The following SERPINB7 variants were observed in gnomAD, a reference collection of about 807,000 sequenced individuals.
SERPINB7 encodes the protein serpin family B member 7.
Under a neutral mutation model 37.4 loss-of-function variants are expected in SERPINB7, and 31 were observed. The observed-to-expected ratio is 0.83, with a 90% CI of 0.62 to 1.12. The LOEUF (loss-of-function observed/expected upper bound fraction) is 1.12, where lower values mean the gene tolerates loss of function less well. Among genes scored for constraint, SERPINB7 ranks in the 50% most tolerant of loss-of-function variants. SERPINB7 has a pLI of 0.00. For synonymous variants in SERPINB7, 163 were observed against 166.1 expected, an observed-to-expected ratio of 0.98 and a Z score of 0.14; for missense variants, 521 against 455.3, an observed-to-expected ratio of 1.14 and a Z score of -1.31.
intron 1 of SERPINB7, among the ~76,000 whole-genome samples, chr18:63,779,482 T>A (rs1461757605): frequency 2.0e-5 from 3 of 152,176 alleles, no homozygotes; most frequent in African/African-American, 7.2e-5. Flanking sequence ...AAATGGAACA[T>A]ACTTTTTGGT....
intron 1 of SERPINB7, among the ~76,000 whole-genome samples, chr18:63,755,060 C>T (rs1001565063): frequency 9.9e-5 from 15 of 151,866 alleles, no homozygotes; most frequent in Non-Finnish European, 1.5e-4. Context: ...CCACCGCGCC[C>T]GGCTAATTTT....
rs758594172 is a variant in SERPINB7, at chr18:63,782,414, C to T, written c.42C>T (p.Asn14=). 1 of 1,614,004 alleles carries T rather than the reference C, an allele frequency of 6.2e-7. No homozygotes were observed. Among genetic ancestry groups the T allele is most frequent in the African/African-American group, 1.3e-5 (1 of 75,050 alleles). The change falls in exon 2 of 8, where the codon AAC becomes AAT. Residue 14 remains asparagine, a synonymous_variant. Coordinates refer to ENST00000398019, the MANE Select transcript of SERPINB7 (RefSeq NM_003784.4). ...LAAANAEFCF[N]LFREMDDNQG... is the part of the protein sequence containing the mutation. ...CAGCAAATGCAGAGTTTTGCTTCAA[C>T]CTGTTCAGAGAGATGGATGACAATC...
At chr18:63,796,528 G>A in intron 5 of SERPINB7, 145 bp downstream of exon 5, 1 of 539,164 alleles carries the variant, frequency 1.9e-6, no homozygotes. Context: ...AATTGCTTTA[G>A]TATTTGTCTG....
chr18:63,801,586 G>A (rs576716212), intron 7 of SERPINB7, among the ~76,000 whole-genome samples: 3 of 152,254 alleles, frequency 2.0e-5, no homozygotes, highest in South Asian at 2.1e-4. Context: ...AGGTTTGGAG[G>A]TTAGGAGTTT....
chr18:63,767,842 G>A (rs1427366585), intron 1 of SERPINB7, among the ~76,000 whole-genome samples: 1 of 152,048 alleles, frequency 6.6e-6, no homozygotes, highest in Non-Finnish European at 1.5e-5. Flanking sequence ...ATTTAATTTT[G>A]ATAGGTATAG....
At chr18:63,795,974 T>C (rs1019518928) in intron 4 of SERPINB7, among the ~76,000 whole-genome samples, 1 of 152,216 alleles carries the variant, frequency 6.6e-6, no homozygotes, top group African/African-American at 2.4e-5. Context: ...AGTTATTTAA[T>C]ATGAGAACGC....
chr18:63,760,944 G>C (rs545390291), intron 1 of SERPINB7, among the ~76,000 whole-genome samples: 1 of 152,362 alleles, frequency 6.6e-6, no homozygotes, highest in Non-Finnish European at 1.5e-5. Flanking sequence ...GGAAATGTGG[G>C]GTTGAAGCCC....
intron 2 of SERPINB7, among the ~76,000 whole-genome samples, chr18:63,786,253 C>A (rs2049371843): frequency 6.9e-6 from 1 of 144,658 alleles, no homozygotes; most frequent in Admixed American, 7.0e-5. Flanking sequence ...CACATCCACA[C>A]ATTTCCTTTG....
chr18:63,803,213 G>T (rs1044647762), intron 7 of SERPINB7, among the ~76,000 whole-genome samples: 1 of 151,544 alleles, frequency 6.6e-6, no homozygotes, highest in Non-Finnish European at 1.5e-5. Flanking sequence ...ACCAGATAAC[G>T]ATGAGGAAGT....
intron 1 of SERPINB7, among the ~76,000 whole-genome samples, chr18:63,776,445 G>A (rs934556804): frequency 4.0e-5 from 6 of 151,632 alleles, no homozygotes; most frequent in African/African-American, 1.2e-4. Context: ...GTATTCTTTC[G>A]TGCCTGATTT....
intron 2 of SERPINB7, among the ~76,000 whole-genome samples, chr18:63,788,574 A>C (rs540320502): frequency 2.5e-4 from 38 of 152,352 alleles, no homozygotes; most frequent in Admixed American, 6.5e-5. Context: ...AATGTAGTGT[A>C]GCCTAAGTGT....
chr18:63,769,012 T>A (rs1045760002), intron 1 of SERPINB7, among the ~76,000 whole-genome samples: 1 of 152,178 alleles, frequency 6.6e-6, no homozygotes, highest in Admixed American at 6.5e-5. Flanking sequence ...GAATATTTGG[T>A]TTGTTTAAAG....
At chr18:63,797,274 C>T (rs902666297) in intron 5 of SERPINB7, among the ~76,000 whole-genome samples, 2 of 152,134 alleles carry the variant, frequency 1.3e-5, no homozygotes, top group African/African-American at 4.8e-5. Flanking sequence ...TAAATGCAAA[C>T]TTTCAGCAGC....
chr18:63,754,160 G>A (rs1323764223), intron 1 of SERPINB7, among the ~76,000 whole-genome samples: 3 of 152,048 alleles, frequency 2.0e-5, no homozygotes, highest in Non-Finnish European at 1.5e-5. Context: ...AAATAAAATC[G>A]CATTGATTTC....
intron 1 of SERPINB7, among the ~76,000 whole-genome samples, chr18:63,767,064 G>T (rs1164248811): frequency 1.3e-5 from 2 of 152,116 alleles, no homozygotes; most frequent in African/African-American, 4.8e-5. Context: ...CCTATGCTGA[G>T]TAAGAGTAGA....
intron 1 of SERPINB7, among the ~76,000 whole-genome samples, chr18:63,780,712 T>C (rs1366136076): frequency 6.6e-6 from 1 of 152,236 alleles, no homozygotes; most frequent in African/African-American, 2.4e-5. Context: ...TGAATGATTT[T>C]CTCACCTTAT....
At chr18:63,783,494 A>G (rs1203543622) in intron 2 of SERPINB7, among the ~76,000 whole-genome samples, 2 of 152,200 alleles carry the variant, frequency 1.3e-5, no homozygotes, top group Non-Finnish European at 2.9e-5. Flanking sequence ...ACCGGGGCAC[A>G]AAAACATCAT....
At chr18:63,757,102 C>G (rs1390326097) in intron 1 of SERPINB7, among the ~76,000 whole-genome samples, 1 of 151,614 alleles carries the variant, frequency 6.6e-6, no homozygotes, top group Non-Finnish European at 1.5e-5. Context: ...TGTTAAAGTC[C>G]CTTGTGGTTT....
At chr18:63,783,218 G>A (rs975572968) in intron 2 of SERPINB7, among the ~76,000 whole-genome samples, 973 of 71,102 alleles carry the variant, frequency 0.014, 43 homozygotes, top group African/African-American at 0.049. Context: ...GAGAGAGAGA[G>A]AGAGAGAGAG....
Sources: allele counts gnomAD v4.1 joint callset (sites outside exome capture counted in the v4.1 genomes callset), GRCh38; gene constraint gnomAD v4.1.1; transcripts MANE v1.5; gene names NCBI Gene and HGNC (gene_info 2026-07-23, HGNC 2026-07-21).